The following DLD variants were observed in gnomAD, a reference collection of about 807,000 sequenced individuals.
DLD encodes dihydrolipoamide dehydrogenase.
DLD carries 36 observed loss-of-function variants against 62.2 expected under a neutral mutation model. That is an observed-to-expected ratio of 0.58 (90% CI 0.44 to 0.76). The LOEUF (loss-of-function observed/expected upper bound fraction) is 0.76. Ranked by LOEUF, DLD falls within the 30% of genes least tolerant of loss-of-function variation. The pLI is 0.00. For missense variants in DLD, 541 were observed against 608.6 expected (o/e 0.89, Z 1.17); for synonymous variants, 204 against 199.6 (o/e 1.02, Z -0.19).
rs10487276 is a variant in DLD at position 107,896,019 on chromosome 7, T to C, written c.118+2741T>C. Among the ~76,000 whole-genome samples, 745 of 152,336 alleles carry C rather than the reference T, an allele frequency of 4.9e-3. 28 individuals are homozygous for C. Among genetic ancestry groups the C allele is most frequent in the Admixed American group, 0.046 (698 of 15,298 alleles). Reference sequence around the variant, plus strand: ...AGGTAGACCAGCATAATTCTATGCATGTAGGCTAAGAGTAGTAATTCACCG... The same window carrying C: ...AGGTAGACCAGCATAATTCTATGCACGTAGGCTAAGAGTAGTAATTCACCG... On this transcript the variant is annotated intron_variant, in intron 2 of 13. Transcript: ENST00000205402.
At chr7:107,907,707 A>G (rs1294483852) in intron 8 of DLD, among the ~76,000 whole-genome samples, 1 of 152,130 alleles carries the variant, frequency 6.6e-6, no homozygotes, top group African/African-American at 2.4e-5. Flanking sequence ...CCTTTTATTT[A>G]CAATTTCATG....
intron 2 of DLD, among the ~76,000 whole-genome samples, chr7:107,895,203 G>A (rs1180083621): frequency 6.6e-6 from 1 of 152,214 alleles, no homozygotes; most frequent in Non-Finnish European, 1.5e-5. Context: ...TTTATAGATG[G>A]AAGAGTTAGG....
chr7:107,891,533 C>T (rs2031574110), intron 1 of DLD: 2 of 600,732 alleles, frequency 3.3e-6, no homozygotes, highest in Admixed American at 2.9e-5. Flanking sequence ...TGTGTGACGG[C>T]CGGCGGTCAC....
chr7:107,892,073 G>A (rs1360007425), intron 1 of DLD, among the ~76,000 whole-genome samples: 1 of 152,200 alleles, frequency 6.6e-6, no homozygotes, highest in Non-Finnish European at 1.5e-5. Flanking sequence ...GGGAGCGGCG[G>A]AGGTGGGACT....
rs556926723 is a variant in DLD at position 107,898,359 on chromosome 7, C to T, written c.119-3379C>T. 1.7e-4 allele frequency among the ~76,000 whole-genome samples: 25 copies of T among 144,084 alleles called. 1 individual carries two copies. The highest frequency in any genetic ancestry group is 3.4e-4 in the African/African-American group (13 of 38,236). The allele number at this position is 144,084 out of a possible 152,430, so 94.5% of individuals were successfully genotyped here. A position where few individuals can be genotyped will look rare whatever the true frequency, so the allele number is the denominator to read the frequency against. ...TCAGTGACACGATTTCAGTTCACTG[C>T]GACGTCCCCCTCCTGGGTTCAAGCG... is the stretch of plus-strand genomic sequence containing the variant. On this transcript the variant is annotated intron_variant, in intron 2 of 13. Transcript: ENST00000205402.
intron 8 of DLD, among the ~76,000 whole-genome samples, chr7:107,914,884 T>C (rs2032229162): frequency 1.3e-5 from 2 of 152,348 alleles, no homozygotes. Flanking sequence ...AAGTAAACAT[T>C]TGTCCTTTGT....
intron 9 of DLD, among the ~76,000 whole-genome samples, chr7:107,916,090 ATATT>A (rs2032262150): frequency 6.6e-6 from 1 of 152,182 alleles, no homozygotes; most frequent in African/African-American, 2.4e-5. Context: ...TTTTAAATAA[ATATT>A]TAAATTAAAT....
Position 107,916,867 on chromosome 7 carries a change from C to T in DLD, c.949C>T (p.Pro317Ser), listed in dbSNP as rs1386061931. Residue 317 changes from proline to serine, a missense_variant, in exon 10 of 14, where the codon CCC (proline) becomes TCC (serine). Pro to Ser is a moderately conservative substitution (Grantham distance 74). Transcript: ENST00000205402. Reference protein sequence around the residue: ...DVLLVCIGRRPFTKNLGLEEL... With the variant: ...DVLLVCIGRRSFTKNLGLEEL... ...ACTCTTGGTTTGCATTGGCCGACGA[C>T]CCTTTACTAAGAATTTGGGACTAGA... The T allele has an allele frequency of 2.5e-6, 4 of 1,613,218 alleles. No individual in the cohort carries two copies. Among genetic ancestry groups the T allele is most frequent in the Non-Finnish European group, 3.4e-6 (4 of 1,179,902 alleles).
intron 2 of DLD, 38 bp downstream of exon 2, chr7:107,893,316 G>A: frequency 6.8e-7 from 1 of 1,468,278 alleles, no homozygotes; most frequent in Non-Finnish European, 9.5e-7. Context: ...CATCACATTA[G>A]CTGACAGTTC....
chr7:107,893,322 A>G (rs770521287), intron 2 of DLD, 44 bp downstream of exon 2: 2 of 1,419,502 alleles, frequency 1.4e-6, no homozygotes, highest in Admixed American at 1.8e-5. Context: ...ATTAGCTGAC[A>G]GTTCCTTTCT....
Position 107,901,810 on chromosome 7 carries a change from G to C in DLD, c.191G>C (p.Gly64Ala), listed in dbSNP as rs2031883055. Residue 64 changes from glycine to alanine, a missense_variant, in exon 3 of 14, where the codon GGC (glycine) becomes GCC (alanine). Transcript: ENST00000205402. ...YVAAIKAAQLGFKTVCIEKNE... is the reference protein window; with the variant it reads ...YVAAIKAAQLAFKTVCIEKNE... ...GCTGCTATTAAAGCTGCCCAGTTAGGCTTCAAGGTAAGGTTTGAACTCAAA... is the reference window on the plus strand; with the variant it reads ...GCTGCTATTAAAGCTGCCCAGTTAGCCTTCAAGGTAAGGTTTGAACTCAAA... 3 of 1,613,136 alleles carry C rather than the reference G, an allele frequency of 1.9e-6. No individual in the cohort carries two copies. In the Admixed American group the frequency reaches 5.0e-5, roughly 27 times the overall value.
chr7:107,895,491 A>G (rs1584457286), intron 2 of DLD, among the ~76,000 whole-genome samples: 1 of 152,362 alleles, frequency 6.6e-6, no homozygotes, highest in South Asian at 2.1e-4. Flanking sequence ...ACTTAAACTT[A>G]CAGCACTTAT....
At chr7:107,905,566 T>G in intron 7 of DLD, 62 bp downstream of exon 7, 1 of 1,523,266 alleles carries the variant, frequency 6.6e-7, no homozygotes, top group Non-Finnish European at 9.1e-7. Flanking sequence ...TTTTATAAGT[T>G]ATTTATGCTA....
At chr7:107,916,701 C>T (rs2032277790) in intron 9 of DLD, 93 bp from the exon 10 acceptor site, 6 of 1,288,432 alleles carry the variant, frequency 4.7e-6, no homozygotes, top group Non-Finnish European at 6.8e-6. Flanking sequence ...ATGAAAATGT[C>T]ATCAACACTT....
intron 2 of DLD, among the ~76,000 whole-genome samples, chr7:107,899,484 A>C (rs2031822282): frequency 6.6e-6 from 1 of 151,830 alleles, no homozygotes; most frequent in Non-Finnish European, 1.5e-5. Context: ...TTCTTTTCCA[A>C]ACCAAATTTA....
intron 8 of DLD, among the ~76,000 whole-genome samples, chr7:107,913,471 G>GTACC (rs2032192031): frequency 6.8e-6 from 1 of 148,000 alleles, no homozygotes; most frequent in Non-Finnish European, 1.5e-5. Context: ...TGATTCTTAG[G>GTACC]TATTTTATAT....
chr7:107,893,099 G>A lies in DLD; in HGVS notation c.40-101G>A, dbSNP rs1291638790. ...GGAAGAAGATACACTAATAATCCTC[G>A]CTTGATACGTTTGCCCAAAATTGTT... On this transcript the variant is annotated intron_variant, in intron 1 of 13. Coordinates refer to ENST00000205402, the MANE Select transcript of DLD (RefSeq NM_000108.5). 18 of 805,316 alleles carry A rather than the reference G, an allele frequency of 2.2e-5. No individual in the cohort carries two copies. The East Asian group carries it at 2.9e-4, about 13-fold the overall frequency. The allele number at this position is 805,316 out of a possible 1,614,324, so 49.9% of individuals were successfully genotyped here.
Position 107,919,346 on chromosome 7 carries a change from C to A in DLD, c.*87C>A. 9.0e-7 allele frequency: 1 copy of A among 1,105,306 alleles called. No homozygotes were observed. The highest frequency in any genetic ancestry group is 1.3e-6 in the Non-Finnish European group (1 of 748,204). The allele number at this position is 1,105,306 out of a possible 1,614,324, so 68.5% of individuals were successfully genotyped here. ...CCTGAACAGGATATTCTCACAGCTC[C>A]AAGAATTTCTAGGACTGAATTATGA... On this transcript the variant is annotated 3_prime_UTR_variant, in exon 14 of 14. Transcript: ENST00000205402.
In DLD at chr7:107,918,046, A is replaced by G. The variant is rs1291150689; in HGVS notation, c.1359A>G (p.Ala453=). 6.2e-7 allele frequency: 1 copy of G among 1,614,038 alleles called. No individual in the cohort carries two copies. Among genetic ancestry groups the G allele is most frequent in the Non-Finnish European group, 8.5e-7 (1 of 1,179,902 alleles). ...GQKSTDRVLG[A]HILGPGAGEM... Reference sequence around the variant, plus strand: ...AATCGACAGACAGAGTACTGGGAGCACATATTCTTGGACCAGTGAGTATTG... The same window carrying G: ...AATCGACAGACAGAGTACTGGGAGCGCATATTCTTGGACCAGTGAGTATTG... The change falls in exon 12 of 14, where the codon GCA becomes GCG. Residue 453 remains alanine, a synonymous_variant. Transcript: ENST00000205402.
Sources: allele counts gnomAD v4.1 joint callset (sites outside exome capture counted in the v4.1 genomes callset), GRCh38; gene constraint gnomAD v4.1.1; transcripts MANE v1.5; gene names NCBI Gene and HGNC (gene_info 2026-07-23, HGNC 2026-07-21).